The following ABCC4 variants were observed in gnomAD, a reference collection of about 807,000 sequenced individuals.
ABCC4 encodes ATP binding cassette subfamily C member 4 (PEL blood group), also known as ATP-binding cassette sub-family C member 4.
ABCC4 carries 102 observed loss-of-function variants against 168.5 expected under a neutral mutation model. That is an observed-to-expected ratio of 0.61 (90% confidence interval 0.52 to 0.71). ABCC4 has a LOEUF of 0.71. Among genes scored for constraint, ABCC4 ranks in the 30% least tolerant of loss-of-function variants. The pLI is 0.00. For missense variants in ABCC4, 1,402 were observed against 1,605.8 expected (o/e 0.87, Z 2.17); for synonymous variants, 617 against 590.7 (o/e 1.04, Z -0.65).
At chr13:95,110,308 CAA>C (rs61438342) in intron 20 of ABCC4, among the ~76,000 whole-genome samples, 13 of 104,566 alleles carry the variant, frequency 1.2e-4, no homozygotes, top group African/African-American at 3.3e-4. Flanking sequence ...GACTCTGTCT[CAA>C]AAAAAAAAAA....
chr13:95,203,987 C>T (rs569674127), intron 8 of ABCC4, among the ~76,000 whole-genome samples: 1 of 152,258 alleles, frequency 6.6e-6, no homozygotes, highest in African/African-American at 2.4e-5. Flanking sequence ...ATTTGGTGCC[C>T]ATTATGTGTC....
intron 19 of ABCC4, among the ~76,000 whole-genome samples, chr13:95,116,370 C>T (rs924978753): frequency 6.6e-6 from 1 of 152,132 alleles, no homozygotes; most frequent in Non-Finnish European, 1.5e-5. Flanking sequence ...AGAAATTGAT[C>T]CTAATTATTT....
chr13:95,194,288 C>T (rs946249224), intron 9 of ABCC4, among the ~76,000 whole-genome samples: 2 of 152,216 alleles, frequency 1.3e-5, no homozygotes, highest in African/African-American at 4.8e-5. Context: ...CTTGCTACGC[C>T]GGCCTGCAGC....
intron 1 of ABCC4, among the ~76,000 whole-genome samples, chr13:95,282,863 G>C (rs867045727): frequency 6.6e-6 from 1 of 152,004 alleles, no homozygotes; most frequent in Non-Finnish European, 1.5e-5. Context: ...ATGTGTGAGA[G>C]AGAGAAAGAG....
intron 1 of ABCC4, among the ~76,000 whole-genome samples, chr13:95,290,376 T>C (rs1349361570): frequency 6.6e-6 from 1 of 152,082 alleles, no homozygotes; most frequent in Non-Finnish European, 1.5e-5. Context: ...TGAGAGTATA[T>C]TCATGAAAAG....
intron 1 of ABCC4, among the ~76,000 whole-genome samples, chr13:95,254,169 A>G (rs1222887103): frequency 6.6e-6 from 1 of 152,242 alleles, no homozygotes; most frequent in Non-Finnish European, 1.5e-5. Context: ...AAGTGTTGGG[A>G]TTATAGGCAT....
chr13:95,165,087 T>C (rs1218616542), intron 15 of ABCC4, among the ~76,000 whole-genome samples: 2 of 152,200 alleles, frequency 1.3e-5, no homozygotes, highest in Non-Finnish European at 2.9e-5. Context: ...CGTGGCTTGC[T>C]GGAAGGATGC....
intron 20 of ABCC4, among the ~76,000 whole-genome samples, chr13:95,112,267 C>G (rs1005240523): frequency 1.3e-5 from 2 of 151,536 alleles, no homozygotes; most frequent in Non-Finnish European, 2.9e-5. Context: ...GCATGAAAAT[C>G]GTTTGAACCT....
At chr13:95,153,657 AAC>A (rs1179366242) in intron 19 of ABCC4, among the ~76,000 whole-genome samples, 3 of 152,184 alleles carry the variant, frequency 2.0e-5, no homozygotes, top group Non-Finnish European at 2.9e-5. Context: ...TTATTGGACA[AAC>A]ACAGTGCTTT....
chr13:95,161,771 C>A (rs2037108137), intron 18 of ABCC4: 1 of 152,218 alleles, frequency 6.6e-6, no homozygotes, highest in Admixed American at 6.6e-5. Context: ...TTACCTTTTC[C>A]TTGTAGAAAA....
In ABCC4 at chr13:95,062,788, G is replaced by T. The variant is rs757713171; in HGVS notation, c.3282C>A (p.Pro1094=). ...TCTTATCAATCCAAATTTTACCTTC[G>T]GGTTCTGACAATCTAAAAAGGGCTG... The part of the protein sequence containing the change: ...LISALFRLSE[P]EGKIWIDKIL... The change falls in exon 26 of 31, where the codon CCC becomes CCA. Residue 1094 remains proline (P), a synonymous_variant. Coordinates refer to ENST00000645237, the MANE Select transcript of ABCC4 (RefSeq NM_005845.5). 1 of 1,613,354 alleles carries T rather than the reference G, an allele frequency of 6.2e-7. No homozygotes were observed. Among genetic ancestry groups the T allele is most frequent in the Non-Finnish European group, 8.5e-7 (1 of 1,179,848 alleles).
At chr13:95,159,428 TA>T (rs2037012851) in intron 19 of ABCC4, among the ~76,000 whole-genome samples, 1 of 151,912 alleles carries the variant, frequency 6.6e-6, no homozygotes, top group African/African-American at 2.4e-5. Context: ...GGAAGCAAGA[TA>T]AACACTCAGG....
chr13:95,218,937 GAA>G (rs1491298008), intron 4 of ABCC4, among the ~76,000 whole-genome samples: 19 of 23,734 alleles, frequency 8.0e-4, no homozygotes, highest in African/African-American at 4.7e-3. Context: ...GAGAAAGAAA[GAA>G]AGAAAGAAAG....
chr13:95,097,110 G>A (rs1158344960), intron 20 of ABCC4, among the ~76,000 whole-genome samples: 1 of 151,832 alleles, frequency 6.6e-6, no homozygotes, highest in East Asian at 1.9e-4. Context: ...AAATTTGGTA[G>A]GAAATTATTT....
intron 20 of ABCC4, among the ~76,000 whole-genome samples, chr13:95,109,893 T>C (rs970980201): frequency 2.0e-5 from 3 of 152,132 alleles, no homozygotes; most frequent in East Asian, 1.9e-4. Flanking sequence ...ACTCAATAAA[T>C]GCTTCTCAGG....
rs553655385 is a variant in ABCC4, at chr13:95,214,714, CG to C, written c.532-3934del. On this transcript the variant is annotated intron_variant, in intron 4 of 30. Transcript: ENST00000645237. ...CAGCCTGGCCAACATGGTGAGACCC[CG>C]CCTCTACTAAAAATACAAAAATTAG... is the stretch of plus-strand genomic sequence containing the variant. 4.0e-5 allele frequency among the ~76,000 whole-genome samples: 6 copies of C among 151,818 alleles called. No homozygotes were observed. The East Asian group carries it at 7.8e-4, about 20-fold the overall frequency.
chr13:95,038,783 G>GC (rs2032235526), intron 29 of ABCC4, among the ~76,000 whole-genome samples: 1 of 152,204 alleles, frequency 6.6e-6, no homozygotes, highest in African/African-American at 2.4e-5. Context: ...ACAATTGGGT[G>GC]ACTGACCAGT....
chr13:95,098,600 A>G (rs899954744), intron 20 of ABCC4, among the ~76,000 whole-genome samples: 1 of 152,222 alleles, frequency 6.6e-6, no homozygotes, highest in Non-Finnish European at 1.5e-5. Flanking sequence ...AAATGTATTA[A>G]AAACCACAAT....
chr13:95,301,449 A>G lies in ABCC4; in HGVS notation c.-135T>C, dbSNP rs1330141361. 1.2e-5 allele frequency: 8 copies of G among 653,116 alleles called. No homozygotes were observed. Among genetic ancestry groups the G allele is most frequent in the Non-Finnish European group, 1.8e-5 (8 of 452,510 alleles). 40.5% of individuals were successfully genotyped at this position (653,116 alleles called of 1,614,324 possible). ...CTGTCCGCTCGGCTGGAGCCTGTGA[A>G]GCAGCCGCTTCCGGGAGCCGGGCGC... On this transcript the variant is annotated 5_prime_UTR_variant, in exon 1 of 31. Transcript: ENST00000645237.
Sources: allele counts gnomAD v4.1 joint callset (sites outside exome capture counted in the v4.1 genomes callset), GRCh38; gene constraint gnomAD v4.1.1; transcripts MANE v1.5; gene names NCBI Gene and HGNC (gene_info 2026-07-23, HGNC 2026-07-21).